The following FUT4 variants were observed in gnomAD, a reference collection of about 807,000 sequenced individuals.
FUT4 encodes the protein alpha-(1,3)-fucosyltransferase 4.
FUT4 carries 1 observed loss-of-function variant against 3.8 expected under a neutral mutation model. The ratio of observed to expected loss-of-function variants is 0.26; its 90% CI spans 0.09 to 1.25. FUT4 has a LOEUF of 1.25. FUT4 is among the 50% of genes most tolerant of loss of function. The probability of loss-of-function intolerance (pLI) is 0.47; values close to 1 mark genes in which losing one functional copy is unlikely to be tolerated. For synonymous variants in FUT4, 417 were observed against 355.3 expected (o/e 1.17, Z -1.95); for missense variants, 880 against 768.2 (o/e 1.15, Z -1.72).
Position 94,545,769 on chromosome 11 carries a change from C to T in FUT4, c.*43C>T. The T allele has an allele frequency of 6.4e-7, 1 of 1,573,604 alleles. No individual in the cohort carries two copies. The highest frequency in any genetic ancestry group is 8.6e-7 in the Non-Finnish European group (1 of 1,159,642). On this transcript the variant is annotated 3_prime_UTR_variant, in exon 1 of 1. Transcript: ENST00000358752. ...AGCGACCCAGGGGAGGCCAAGTTGT[C>T]AGCTTTTTGATCCTCTACTGTGCAT...
rs1046708628 is a variant in FUT4, at chr11:94,547,213, A to G, written c.*1487A>G. The G allele has an allele frequency of 1.2e-5, 2 of 167,050 alleles. No individual in the cohort carries two copies. The highest frequency in any genetic ancestry group is 2.4e-5 in the African/African-American group (1 of 41,470). The allele number at this position is 167,050 out of a possible 1,614,324, so 10.3% of individuals were successfully genotyped here. ...CTTCTCTTTAGGGCTCTTACAATCT[A>G]TCACTTCCAAAAAGTAAATGGTGAC... is the stretch of plus-strand genomic sequence containing the variant. On this transcript the variant is annotated 3_prime_UTR_variant, in exon 1 of 1. Transcript: ENST00000358752.
At position 94,545,510 on chromosome 11, in the gene FUT4, G is replaced by A. The variant is rs750987299; in HGVS notation, c.1377G>A (p.Val459=). Residue 459 remains valine (V), a synonymous_variant, in exon 1 of 1, where the codon GTG becomes GTA. Transcript: ENST00000358752. ...TGCCCCGCGGCGCCTTCATCCACGT[G>A]GACGACTTCCCAAGTGCCTCCTCCC... ...RFVPRGAFIH[V]DDFPSASSLA... is the part of the protein sequence containing the mutation. 1.2e-6 allele frequency: 2 copies of A among 1,613,770 alleles called. No individual in the cohort carries two copies. Among genetic ancestry groups the A allele is most frequent in the Non-Finnish European group, 8.5e-7 (1 of 1,180,000 alleles).
Position 94,544,350 on chromosome 11 carries a change from G to A in FUT4, c.217G>A (p.Gly73Ser), listed in dbSNP as rs1239194191. ...PARHLGGAGQ[G>S]PRPLHSGTAP... ...CCGGCACTTGGGAGGAGCAGGGCAG[G>A]GCCCGCGGCCTTTGCATTCTGGGAC... Residue 73 changes from glycine (G) to serine (S), a missense_variant, in exon 1 of 1, where the codon GGC becomes AGC. By Grantham distance (56) the Gly-to-Ser change is moderately conservative. Around this residue, in one of 3 missense-constraint regions of FUT4, gnomAD observed 447 missense variants for 339.5 expected, o/e 1.32. Transcript: ENST00000358752. 12 of 1,549,434 alleles carry A rather than the reference G, an allele frequency of 7.7e-6. No individual in the cohort carries two copies. In the South Asian group the frequency reaches 1.2e-4, roughly 15 times the overall value.
rs1176103929 is a variant in FUT4, at chr11:94,549,714, A to G, written c.*3988A>G. ...CTTTATATGCCTCAAATATCAGGGA[A>G]AGGAGCCAAGTCCTTGGTATTTAGT... On this transcript the variant is annotated 3_prime_UTR_variant, in exon 1 of 1. Transcript: ENST00000358752. The G allele has an allele frequency of 6.0e-6, 1 of 166,684 alleles. No homozygotes were observed. The highest frequency in any genetic ancestry group is 1.5e-5 in the Non-Finnish European group (1 of 68,086). The allele number at this position is 166,684 out of a possible 1,614,324, so 10.3% of individuals were successfully genotyped here.
In FUT4 at chr11:94,545,447, G is replaced by A. The variant is rs1191750744; in HGVS notation, c.1314G>A (p.Val438=). 6 of 1,613,148 alleles carry A rather than the reference G, an allele frequency of 3.7e-6. No individual in the cohort carries two copies. The highest frequency in any genetic ancestry group is 5.1e-6 in the Non-Finnish European group (6 of 1,179,764). ...CGTTGCTCGCTGGGGCGGTGCCGGTGGTGCTGGGCCCAGACCGTGCCAACT... is the reference window on the plus strand; with the variant it reads ...CGTTGCTCGCTGGGGCGGTGCCGGTAGTGCTGGGCCCAGACCGTGCCAACT... ...RNALLAGAVP[V]VLGPDRANYE... The change falls in exon 1 of 1, where the codon GTG becomes GTA. Residue 438 remains valine, a synonymous_variant. Coordinates refer to ENST00000358752, the MANE Select transcript of FUT4 (RefSeq NM_002033.4).
chr11:94,544,518 C>T lies in FUT4; in HGVS notation c.385C>T (p.Pro129Ser). Residue 129 changes from proline (P) to serine (S), a missense_variant, in exon 1 of 1, where the codon CCG becomes TCG. Physicochemically the swap from Pro to Ser is moderately conservative, Grantham distance 74 (BLOSUM62 -1). This residue lies in a region of FUT4 where 447 missense variants were observed against 339.5 expected (regional missense o/e 1.32). Transcript: ENST00000358752. ...GCTGCCTGTTCGCGCCATGGGGGCA[C>T]CGTGGGGCTCGCCGACGGCGGCGGC... ...AALPVRAMGA[P>S]WGSPTAAAGG... is the part of the protein sequence containing the mutation. The T allele has an allele frequency of 2.3e-6, 3 of 1,309,088 alleles. No homozygotes were observed. The highest frequency in any genetic ancestry group is 2.9e-6 in the Non-Finnish European group (3 of 1,037,850). 81.1% of individuals were successfully genotyped at this position (1,309,088 alleles called of 1,614,324 possible).
chr11:94,544,573 G>T lies in FUT4; in HGVS notation c.440G>T (p.Arg147Leu). Residue 147 changes from arginine (R) to leucine (L), a missense_variant, in exon 1 of 1, where the codon CGG becomes CTG. Physicochemically the swap from Arg to Leu is moderately radical, Grantham distance 102. Coordinates refer to ENST00000358752, the MANE Select transcript of FUT4 (RefSeq NM_002033.4). ...AGGRRGWRRG[R>L]GLPWTVCVLA... The stretch of plus-strand genomic sequence containing the variant: ...GGGCGGCGCGGGTGGCGCCGAGGCC[G>T]GGGGCTGCCATGGACCGTCTGTGTG... 1 of 1,306,068 alleles carries T rather than the reference G, an allele frequency of 7.7e-7. No individual in the cohort carries two copies. Among genetic ancestry groups the T allele is most frequent in the East Asian group, 3.1e-5 (1 of 32,608 alleles). 80.9% of individuals were successfully genotyped at this position (1,306,068 alleles called of 1,614,324 possible).
In FUT4 at chr11:94,545,138, C is replaced by T. The variant is rs1288594426; in HGVS notation, c.1005C>T (p.Pro335=). ...TTGTGCCTTATGGCTACCTCTACCC[C>T]AGAAGCCACCCCGGCGACCCGCCCT... ...DVFVPYGYLY[P]RSHPGDPPSG... is the part of the protein sequence containing the mutation. Residue 335 remains proline, a synonymous_variant, in exon 1 of 1, where the codon CCC becomes CCT. Transcript: ENST00000358752. The T allele has an allele frequency of 6.2e-7, 1 of 1,611,988 alleles. No individual in the cohort carries two copies.
rs1277586764 is a variant in FUT4, at chr11:94,547,201, CT to C, written c.*1476del. 13 of 167,114 alleles carry C rather than the reference CT, an allele frequency of 7.8e-5. No individual in the cohort carries two copies. The highest frequency in any genetic ancestry group is 6.5e-4 in the Admixed American group (10 of 15,312). The allele number at this position is 167,114 out of a possible 1,614,324, so 10.4% of individuals were successfully genotyped here. Reference sequence around the variant, plus strand: ...CAAGGCAAAGTCCTTCTCTTTAGGGCTCTTACAATCTATCACTTCCAAAAAG... The same window carrying C: ...CAAGGCAAAGTCCTTCTCTTTAGGGCCTTACAATCTATCACTTCCAAAAAG... On this transcript the variant is annotated 3_prime_UTR_variant, in exon 1 of 1. Transcript: ENST00000358752.
Position 94,544,930 on chromosome 11 carries a change from G to A in FUT4, c.797G>A (p.Arg266His), listed in dbSNP as rs774058310. Reference protein sequence around the residue: ...QAHTAEEVDLRVLDYEEAAAA... With the variant: ...QAHTAEEVDLHVLDYEEAAAA... Reference sequence around the variant, plus strand: ...CACACTGCCGAGGAGGTGGATCTGCGCGTGTTGGACTACGAGGAGGCAGCG... The same window carrying A: ...CACACTGCCGAGGAGGTGGATCTGCACGTGTTGGACTACGAGGAGGCAGCG... The change falls in exon 1 of 1, where the codon CGC (arginine) becomes CAC (histidine). Residue 266 changes from arginine (R) to histidine (H), a missense_variant. Physicochemically the swap from Arg to His is conservative, Grantham distance 29. Transcript: ENST00000358752. 2.5e-6 allele frequency: 4 copies of A among 1,607,638 alleles called. No homozygotes were observed. In the East Asian group the frequency reaches 6.7e-5, roughly 27 times the overall value.
At position 94,545,921 on chromosome 11, in the gene FUT4, A is replaced by C. The variant is rs1947856914; in HGVS notation, c.*195A>C. On this transcript the variant is annotated 3_prime_UTR_variant, in exon 1 of 1. Coordinates refer to ENST00000358752, the MANE Select transcript of FUT4 (RefSeq NM_002033.4). ...GGGGCCCGGTTTCCATATTTTTTGC[A>C]CAGCTAGCAATTGGGCTCCCTTTGC... The C allele has an allele frequency of 2.6e-6, 2 of 761,336 alleles. No homozygotes were observed. The highest frequency in any genetic ancestry group is 1.5e-5 in the South Asian group (1 of 67,660). The allele number at this position is 761,336 out of a possible 1,614,324, so 47.2% of individuals were successfully genotyped here. A position where few individuals can be genotyped will look rare whatever the true frequency, so the allele number is the denominator to read the frequency against.
chr11:94,544,987 C>G lies in FUT4; in HGVS notation c.854C>G (p.Pro285Arg). The G allele has an allele frequency of 1.2e-6, 2 of 1,607,116 alleles. No individual in the cohort carries two copies. Among genetic ancestry groups the G allele is most frequent in the Non-Finnish European group, 1.7e-6 (2 of 1,176,778 alleles). ...GCAGAAGCCCTGGCGACCTCCAGCCCCAGGCCCCCGGGCCAGCGCTGGGTT... is the reference window on the plus strand; with the variant it reads ...GCAGAAGCCCTGGCGACCTCCAGCCGCAGGCCCCCGGGCCAGCGCTGGGTT... ...AAAEALATSS[P>R]RPPGQRWVWM... Residue 285 changes from proline to arginine, a missense_variant, in exon 1 of 1, where the codon CCC (proline) becomes CGC (arginine). Physicochemically the swap from Pro to Arg is moderately radical, Grantham distance 103. Around this residue, in one of 3 missense-constraint regions of FUT4, gnomAD observed 424 missense variants for 400.4 expected, o/e 1.06. Transcript: ENST00000358752.
rs1177597563 is a variant in FUT4, at chr11:94,544,363, T to C, written c.230T>C (p.Leu77Ser). Residue 77 changes from leucine to serine, a missense_variant, in exon 1 of 1, where the codon TTG becomes TCG. Around this residue, in one of 3 missense-constraint regions of FUT4, gnomAD observed 447 missense variants for 339.5 expected, o/e 1.32. Coordinates refer to ENST00000358752, the MANE Select transcript of FUT4 (RefSeq NM_002033.4). ...LGGAGQGPRP[L>S]HSGTAPFHSR... ...GGAGCAGGGCAGGGCCCGCGGCCTT[T>C]GCATTCTGGGACCGCCCCCTTCCAT... 2 of 1,546,882 alleles carry C rather than the reference T, an allele frequency of 1.3e-6. No homozygotes were observed. Among genetic ancestry groups the C allele is most frequent in the Middle Eastern group, 2.2e-4 (1 of 4,650 alleles).
In FUT4 at chr11:94,545,648, C is replaced by T. The variant is rs768802187; in HGVS notation, c.1515C>T (p.Cys505=). Residue 505 remains cysteine, a synonymous_variant, in exon 1 of 1, where the codon TGC becomes TGT. Transcript: ENST00000358752. ...HITSFWDEPW[C]RVCQAVQRAG... ...CCTCCTTCTGGGACGAGCCTTGGTG[C>T]CGGGTGTGCCAGGCTGTACAGAGGG... 4.3e-6 allele frequency: 7 copies of T among 1,612,708 alleles called. No individual in the cohort carries two copies. In the African/African-American group the frequency reaches 9.3e-5, roughly 22 times the overall value.
In FUT4 at chr11:94,544,768, GGCT is replaced by G; in HGVS notation, c.638_640del (p.Leu213del). 1 of 1,579,384 alleles carries G rather than the reference GGCT, an allele frequency of 6.3e-7. No homozygotes were observed. The highest frequency in any genetic ancestry group is 8.5e-7 in the Non-Finnish European group (1 of 1,170,486). On this transcript the variant is annotated inframe_deletion, in exon 1 of 1. Coordinates refer to ENST00000358752, the MANE Select transcript of FUT4 (RefSeq NM_002033.4). ...GCCCCGAGGCCGCCCCCTGACTGCC[GGCT>G]GCGCTTCAACATCAGCGGCTGCCGC...
chr11:94,549,762 A>G lies in FUT4; in HGVS notation c.*4036A>G, dbSNP rs1947904874. The G allele has an allele frequency of 6.0e-6, 1 of 167,012 alleles. No homozygotes were observed. The highest frequency in any genetic ancestry group is 2.4e-5 in the African/African-American group (1 of 41,462). The allele number at this position is 167,012 out of a possible 1,614,324, so 10.3% of individuals were successfully genotyped here. Reference sequence around the variant, plus strand: ...AGTTTGGTGAATACTTGCATTGAATACATGTCAAGATGTCAAGTCATTTTT... The same window carrying G: ...AGTTTGGTGAATACTTGCATTGAATGCATGTCAAGATGTCAAGTCATTTTT... On this transcript the variant is annotated 3_prime_UTR_variant, in exon 1 of 1. Transcript: ENST00000358752.
In FUT4 at chr11:94,544,835, C is replaced by G. The variant is rs1180277165; in HGVS notation, c.702C>G (p.Ala234=). ...GCGCGTCCTACGGAGAGGCTCAGGC[C>G]GTGCTTTTCCACCACCGCGACCTCG... ...TDRASYGEAQ[A]VLFHHRDLVK... Residue 234 remains alanine, a synonymous_variant, in exon 1 of 1, where the codon GCC becomes GCG. Coordinates refer to ENST00000358752, the MANE Select transcript of FUT4 (RefSeq NM_002033.4). The G allele has an allele frequency of 1.2e-6, 2 of 1,604,562 alleles. No homozygotes were observed. The highest frequency in any genetic ancestry group is 1.7e-6 in the Non-Finnish European group (2 of 1,179,366).
Position 94,544,563 on chromosome 11 carries a change from C to T in FUT4, c.430C>T (p.Arg144Cys). The change falls in exon 1 of 1, where the codon CGC becomes TGC. Residue 144 changes from arginine (R) to cysteine (C), a missense_variant. Physicochemically the swap from Arg to Cys is radical, Grantham distance 180 (BLOSUM62 -3). Coordinates refer to ENST00000358752, the MANE Select transcript of FUT4 (RefSeq NM_002033.4). ...GGCGGCGGGCGGGCGGCGCGGGTGGCGCCGAGGCCGGGGGCTGCCATGGAC... is the reference window on the plus strand; with the variant it reads ...GGCGGCGGGCGGGCGGCGCGGGTGGTGCCGAGGCCGGGGGCTGCCATGGAC... ...TAAAGGRRGW[R>C]RGRGLPWTVC... The T allele has an allele frequency of 2.3e-6, 3 of 1,293,478 alleles. No individual in the cohort carries two copies. Among genetic ancestry groups the T allele is most frequent in the Non-Finnish European group, 9.7e-7 (1 of 1,027,682 alleles). 80.1% of individuals were successfully genotyped at this position (1,293,478 alleles called of 1,614,324 possible). A position where few individuals can be genotyped will look rare whatever the true frequency, so the allele number is the denominator to read the frequency against.
chr11:94,548,067 G>A lies in FUT4; in HGVS notation c.*2341G>A, dbSNP rs1947884535. ...TAATCTAAATCACCATTTAGATTAA[G>A]CTTGACTTGCAAACTAGGAAGAAGC... On this transcript the variant is annotated 3_prime_UTR_variant, in exon 1 of 1. Transcript: ENST00000358752. 1 of 166,778 alleles carries A rather than the reference G, an allele frequency of 6.0e-6. No homozygotes were observed. Among genetic ancestry groups the A allele is most frequent in the Non-Finnish European group, 1.5e-5 (1 of 68,104 alleles). The allele number at this position is 166,778 out of a possible 1,614,324, so 10.3% of individuals were successfully genotyped here. A position where few individuals can be genotyped will look rare whatever the true frequency, so the allele number is the denominator to read the frequency against.
Sources: allele counts gnomAD v4.1 joint callset, GRCh38; gene constraint gnomAD v4.1.1; regional missense constraint gnomAD v4.1.1; transcripts MANE v1.5; gene names NCBI Gene and HGNC (gene_info 2026-07-23, HGNC 2026-07-21).